Variants in PRTFDC1 observed in about 807,000 individuals in gnomAD.
PRTFDC1 encodes the protein phosphoribosyl transferase domain containing 1.
A neutral mutation model predicts 34.6 loss-of-function variants in PRTFDC1; 38 were observed. The ratio of observed to expected loss-of-function variants is 1.10; its 90% CI spans 0.85 to 1.44. PRTFDC1 has a LOEUF of 1.44. PRTFDC1 is among the 40% of genes most tolerant of loss of function. PRTFDC1 has a pLI of 0.00. For missense variants in PRTFDC1, 270 were observed against 283.0 expected, an observed-to-expected ratio of 0.95 and a Z score of 0.33; for synonymous variants, 93 against 98.1, an observed-to-expected ratio of 0.95 and a Z score of 0.31.
At chr10:24,870,814 C>T (rs1170478193) in intron 4 of PRTFDC1, among the ~76,000 whole-genome samples, 1 of 151,910 alleles carries the variant, frequency 6.6e-6, no homozygotes, top group African/African-American at 2.4e-5. Context: ...AGTCAGAGTC[C>T]TTGTGGCTCC....
intron 7 of PRTFDC1, among the ~76,000 whole-genome samples, chr10:24,853,370 G>C (rs1468213050): frequency 1.3e-5 from 2 of 152,012 alleles, no homozygotes; most frequent in African/African-American, 2.4e-5. Context: ...CCAGCACTTT[G>C]AGAGGCTTAG....
chr10:24,856,709 C>T (rs570799435), intron 6 of PRTFDC1, among the ~76,000 whole-genome samples: 4 of 151,996 alleles, frequency 2.6e-5, no homozygotes, highest in East Asian at 3.9e-4. Flanking sequence ...CTCAGAAACA[C>T]GGCAAAGCAC....
intron 3 of PRTFDC1, among the ~76,000 whole-genome samples, chr10:24,887,866 T>C (rs889220855): frequency 1.3e-5 from 2 of 152,170 alleles, no homozygotes; most frequent in Non-Finnish European, 2.9e-5. Context: ...TTCCTTGTTA[T>C]ATTAGCTACC....
intron 1 of PRTFDC1, among the ~76,000 whole-genome samples, chr10:24,949,739 A>ATTTT (rs201933925): frequency 8.5e-6 from 1 of 117,016 alleles, no homozygotes; most frequent in Non-Finnish European, 2.0e-5. Context: ...TTATTTATTT[A>ATTTT]TTTTTTTTTT....
chr10:24,928,337 C>T (rs1848912476), intron 3 of PRTFDC1, among the ~76,000 whole-genome samples: 1 of 152,192 alleles, frequency 6.6e-6, no homozygotes, highest in African/African-American at 2.4e-5. Flanking sequence ...AACTGAGGAA[C>T]TCTTCTACTA....
chr10:24,920,237 C>G (rs1848764846), intron 3 of PRTFDC1, among the ~76,000 whole-genome samples: 1 of 151,348 alleles, frequency 6.6e-6, no homozygotes, highest in Non-Finnish European at 1.5e-5. Flanking sequence ...AAATGCCCAT[C>G]AATGATAGAC....
chr10:24,946,406 C>G (rs1402529399), intron 1 of PRTFDC1, among the ~76,000 whole-genome samples: 1 of 151,934 alleles, frequency 6.6e-6, no homozygotes, highest in Non-Finnish European at 1.5e-5. Flanking sequence ...AAAAAGGAAA[C>G]AGACTAAAAG....
At chr10:24,880,244 T>C (rs1368279099) in intron 3 of PRTFDC1, among the ~76,000 whole-genome samples, 1 of 151,768 alleles carries the variant, frequency 6.6e-6, no homozygotes, top group Non-Finnish European at 1.5e-5. Context: ...AGTATTTTTT[T>C]TTCTTTTTTT....
intron 4 of PRTFDC1, among the ~76,000 whole-genome samples, chr10:24,861,603 T>C (rs1847681315): frequency 6.6e-6 from 1 of 152,068 alleles, no homozygotes; most frequent in South Asian, 2.1e-4. Context: ...CACCTCTGTT[T>C]GCTCCCAATT....
chr10:24,907,766 T>G (rs1375925742), intron 3 of PRTFDC1, among the ~76,000 whole-genome samples: 1 of 152,228 alleles, frequency 6.6e-6, no homozygotes. Context: ...TTACATTCTT[T>G]TAAATGTAAT....
chr10:24,930,174 A>T (rs1048375028), intron 3 of PRTFDC1, among the ~76,000 whole-genome samples: 10 of 152,098 alleles, frequency 6.6e-5, no homozygotes, highest in African/African-American at 2.2e-4. Context: ...AGTTAGTATG[A>T]AGCCTGAAGC....
intron 1 of PRTFDC1, among the ~76,000 whole-genome samples, chr10:24,949,847 G>C (rs1849312109): frequency 6.6e-6 from 1 of 151,466 alleles, no homozygotes; most frequent in Non-Finnish European, 1.5e-5. Context: ...CAATTCTCCT[G>C]CTTCTGCCTC....
chr10:24,869,073 C>A (rs1255675604), intron 4 of PRTFDC1, among the ~76,000 whole-genome samples: 1 of 152,164 alleles, frequency 6.6e-6, no homozygotes, highest in African/African-American at 2.4e-5. Context: ...TTGAAATATA[C>A]AACACATTGC....
chr10:24,926,349 T>G (rs1262419615), intron 3 of PRTFDC1, among the ~76,000 whole-genome samples: 1 of 152,224 alleles, frequency 6.6e-6, no homozygotes, highest in Non-Finnish European at 1.5e-5. Context: ...ACTGGCTACC[T>G]AATACTTGGA....
intron 3 of PRTFDC1, among the ~76,000 whole-genome samples, chr10:24,905,819 A>G (rs1269055356): frequency 1.3e-5 from 2 of 152,092 alleles, no homozygotes; most frequent in Non-Finnish European, 2.9e-5. Flanking sequence ...TTGATTACTT[A>G]TTTAATAATA....
intron 3 of PRTFDC1, among the ~76,000 whole-genome samples, chr10:24,909,649 G>A (rs1848596922): frequency 6.6e-6 from 1 of 152,152 alleles, no homozygotes; most frequent in South Asian, 2.1e-4. Flanking sequence ...AGACAAATAT[G>A]CTATACCTGG....
At chr10:24,937,819 A>C (rs1289782081) in intron 2 of PRTFDC1, among the ~76,000 whole-genome samples, 1 of 151,972 alleles carries the variant, frequency 6.6e-6, no homozygotes, top group Admixed American at 6.6e-5. Flanking sequence ...TGGCTTCCCA[A>C]AGTGCTGGGA....
At chr10:24,873,117 T>C (rs1847906029) in intron 3 of PRTFDC1, among the ~76,000 whole-genome samples, 1 of 152,106 alleles carries the variant, frequency 6.6e-6, no homozygotes, top group East Asian at 1.9e-4. Context: ...GGCGCCACCA[T>C]GCCTGGCCTC....
chr10:24,860,647 C>A (rs754594993), intron 4 of PRTFDC1, among the ~76,000 whole-genome samples: 2 of 151,962 alleles, frequency 1.3e-5, no homozygotes, highest in Non-Finnish European at 2.9e-5. Context: ...TTATTTTGTC[C>A]ATTTTTGAAG....
Sources: allele counts gnomAD v4.1 joint callset (sites outside exome capture counted in the v4.1 genomes callset), GRCh38; gene constraint gnomAD v4.1.1; transcripts MANE v1.5; gene names NCBI Gene and HGNC (gene_info 2026-07-23, HGNC 2026-07-21).